Variants in FMO5 observed in about 807,000 individuals in gnomAD.
FMO5 encodes flavin-containing monooxygenase 5.
Under a neutral mutation model 43.6 loss-of-function variants are expected in FMO5, and 51 were observed. The ratio of observed to expected loss-of-function variants is 1.17; its 90% CI spans 0.93 to 1.48. The LOEUF (loss-of-function observed/expected upper bound fraction) is 1.48. FMO5 is among the 40% of genes most tolerant of loss of function. The pLI is 0.00. For missense variants in FMO5, 644 were observed against 643.0 expected (o/e 1.00, Z -0.02); for synonymous variants, 187 against 216.5 (o/e 0.86, Z 1.20).
chr1:147,210,012 C>T (rs587597293), intron 5 of FMO5: 2 of 152,330 alleles, frequency 1.3e-5, no homozygotes, highest in Non-Finnish European at 2.9e-5. Context: ...AGATTATCAT[C>T]ACTTCCATTT....
At chr1:147,219,542 A>G (rs1662623581) in intron 2 of FMO5, among the ~76,000 whole-genome samples, 1 of 152,160 alleles carries the variant, frequency 6.6e-6, no homozygotes. Context: ...AACAGTGAGA[A>G]ATTAGACACT....
At position 147,201,404 on chromosome 1, in the gene FMO5, C is replaced by T; in HGVS notation, c.931G>A (p.Ala311Thr). The T allele has an allele frequency of 1.9e-6, 3 of 1,613,466 alleles. No individual in the cohort carries two copies. The highest frequency in any genetic ancestry group is 2.2e-5 in the East Asian group (1 of 44,872). Residue 311 changes from alanine to threonine, a missense_variant, in exon 7 of 9, where the codon GCT becomes ACT. By Grantham distance (58) the Ala-to-Thr change is moderately conservative. Coordinates refer to ENST00000254090, the MANE Select transcript of FMO5 (RefSeq NM_001461.4). ...KGNVKEFTET[A>T]AIFEDGSRED... ...CTGGAGCCATCCTCAAATATGGCAG[C>T]TGTCTCCGTGAATTCCTTCACATTT...
At position 147,225,122 on chromosome 1, in the gene FMO5, A is replaced by T. The variant is rs993443022; in HGVS notation, c.-37-56T>A. ...ACACATCGGTTAACATTTTTCAAGG[A>T]AGACCTTGGCCGTGGCATTCGAATA... On this transcript the variant is annotated intron_variant, in intron 1 of 8. Transcript: ENST00000254090. The T allele has an allele frequency of 3.1e-6, 5 of 1,594,628 alleles. No individual in the cohort carries two copies. In the African/African-American group the frequency reaches 5.4e-5, roughly 17 times the overall value.
At chr1:147,195,610 C>A (rs1329164152) in intron 7 of FMO5, among the ~76,000 whole-genome samples, 2 of 152,044 alleles carry the variant, frequency 1.3e-5, no homozygotes, top group Non-Finnish European at 2.9e-5. Context: ...AATTATACAC[C>A]AAGGACAGGG....
upstream of FMO5, among the ~76,000 whole-genome samples, chr1:147,226,460 C>T (rs1553927865): frequency 6.6e-6 from 1 of 152,154 alleles, no homozygotes. Context: ...AGTGCTTTCA[C>T]ACAGTTATAT....
intron 7 of FMO5, among the ~76,000 whole-genome samples, chr1:147,198,720 G>A (rs587597616): frequency 9.2e-5 from 14 of 151,892 alleles, no homozygotes; most frequent in Admixed American, 2.6e-4. Context: ...GCATGGTGGC[G>A]GGCGCCTGTA....
At chr1:147,217,234 C>T (rs6696468) in intron 2 of FMO5, among the ~76,000 whole-genome samples, 9,114 of 43,398 alleles carry the variant, frequency 0.21, 700 homozygotes, top group East Asian at 0.45. Context: ...AGCAAAACTC[C>T]GTCTACAAAA....
rs782580888 is a variant in FMO5, at chr1:147,225,009, A to G, written c.21T>C (p.Ala7=). 1.4e-5 allele frequency: 22 copies of G among 1,613,700 alleles called. No individual in the cohort carries two copies. The highest frequency in any genetic ancestry group is 3.3e-5 in the Admixed American group (2 of 59,988). Residue 7 remains alanine (A), a synonymous_variant, in exon 2 of 9, where the codon GCT becomes GCC. Transcript: ENST00000254090. ...GCCCGCTCACTCCTCCCCCAATCAC[A>G]GCAATTCTTTTCTTAGTCATGGTCT... MTKKRI[A]VIGGGVSGLS... is the part of the protein sequence containing the mutation.
chr1:147,224,856 G>A, intron 2 of FMO5, 39 bp downstream of exon 2: 2 of 1,593,370 alleles, frequency 1.3e-6, no homozygotes, highest in Non-Finnish European at 8.6e-7. Context: ...TAGTTGCAGG[G>A]AGGGTTTCAA....
At chr1:147,197,583 A>G (rs1483834402) in intron 7 of FMO5, among the ~76,000 whole-genome samples, 1 of 151,960 alleles carries the variant, frequency 6.6e-6, no homozygotes, top group African/African-American at 2.4e-5. Context: ...ACGAGATCTG[A>G]TGGTTTTATA....
intron 3 of FMO5, among the ~76,000 whole-genome samples, chr1:147,214,343 C>T (rs28381181): frequency 0.037 from 5,601 of 151,764 alleles, 143 homozygotes; most frequent in South Asian, 0.095. Context: ...CCCAGCTACT[C>T]GGGAGGCTGA....
At chr1:147,192,785 A>T (rs1454840744) in intron 7 of FMO5, among the ~76,000 whole-genome samples, 15 of 152,024 alleles carry the variant, frequency 9.9e-5, no homozygotes, top group African/African-American at 2.9e-4. Flanking sequence ...GGTTTTTGTC[A>T]TTGGTTCTGT....
downstream of FMO5, chr1:147,184,490 T>G: frequency 6.6e-7 from 1 of 1,524,796 alleles, no homozygotes; most frequent in East Asian, 2.5e-5. This position sits in a 1 kb window ranked among gnomAD's most constrained non-coding sequence, Gnocchi z 4.4. Context: ...TACATTTAGA[T>G]GTTATGTCTC....
rs781788968 is a variant in FMO5 at position 147,190,180 on chromosome 1, T to A, written c.1253A>T (p.Lys418Ile). The A allele has an allele frequency of 1.9e-6, 3 of 1,602,410 alleles. No homozygotes were observed. Among genetic ancestry groups the A allele is most frequent in the Admixed American group, 3.3e-5 (2 of 59,836 alleles). Residue 418 changes from lysine (K) to isoleucine (I), a missense_variant, in exon 8 of 9, where the codon AAA becomes ATA. Coordinates refer to ENST00000254090, the MANE Select transcript of FMO5 (RefSeq NM_001461.4). ...TCTTCCTGGGAGAGTTTCTTACCTTTTGTCAATTTCCTCTTGAGCTTTAGA... is the reference window on the plus strand; with the variant it reads ...TCTTCCTGGGAGAGTTTCTTACCTTATGTCAATTTCCTCTTGAGCTTTAGA... ...EISKAQEEID[K>I]RYVESQRHTI...
chr1:147,212,611 T>C, intron 4 of FMO5, 76 bp from the exon 5 acceptor site: 1 of 1,390,724 alleles, frequency 7.2e-7, no homozygotes, highest in Non-Finnish European at 9.9e-7. Flanking sequence ...TTTGTTTTTT[T>C]TGCAGACTTA....
At chr1:147,191,011 A>C (rs1656658463) in intron 7 of FMO5, among the ~76,000 whole-genome samples, 1 of 151,764 alleles carries the variant, frequency 6.6e-6, no homozygotes, top group Non-Finnish European at 1.5e-5. Flanking sequence ...AAGGACATGA[A>C]CTCTTCATTT....
chr1:147,196,279 A>G (rs1385917147), intron 7 of FMO5, among the ~76,000 whole-genome samples: 3 of 152,150 alleles, frequency 2.0e-5, no homozygotes, highest in African/African-American at 4.8e-5. Context: ...AGCCATGGGA[A>G]TTATTATTTA....
chr1:147,197,703 G>A lies in FMO5; in HGVS notation c.1183+3449C>T, dbSNP rs587703129. 3.3e-5 allele frequency among the ~76,000 whole-genome samples: 5 copies of A among 152,218 alleles called. No individual in the cohort carries two copies. In the East Asian group the frequency reaches 9.7e-4, roughly 29 times the overall value. ...GAGGCCTCCCCAGCCATGCAGAACT[G>A]TGAGTGAATTAAACCTCTTTCCTTT... On this transcript the variant is annotated intron_variant, in intron 7 of 8. Transcript: ENST00000254090.
chr1:147,211,190 G>A (rs1553923681), intron 5 of FMO5: 3 of 152,098 alleles, frequency 2.0e-5, no homozygotes, highest in African/African-American at 4.8e-5. Flanking sequence ...GCTTTGTTAT[G>A]TGGCAACCTG....
Sources: gnomAD v4.1 joint callset for allele counts (sites outside exome capture counted in the v4.1 genomes callset) on GRCh38, gnomAD v4.1.1 for gene constraint, Gnocchi (gnomAD v3.1) non-coding constraint, MANE v1.5 for transcripts, NCBI Gene and HGNC (gene_info 2026-07-23, HGNC 2026-07-21) for gene names.